MCM4: variants seen among roughly 807,000 people sequenced by gnomAD.
The protein encoded by MCM4 is minichromosome maintenance complex component 4.
A neutral mutation model predicts 88.7 loss-of-function variants in MCM4; 60 were observed. The observed-to-expected ratio is 0.68, with a 90% CI of 0.55 to 0.84. The LOEUF (loss-of-function observed/expected upper bound fraction) is 0.84. Ranked by LOEUF, MCM4 falls within the 40% of genes least tolerant of loss-of-function variation. The pLI is 0.00. For synonymous variants in MCM4, 465 were observed against 410.5 expected, an observed-to-expected ratio of 1.13 and a Z score of -1.61; for missense variants, 1,149 against 1,105.5, an observed-to-expected ratio of 1.04 and a Z score of -0.56.
rs2090860559 is a variant in MCM4, at chr8:47,962,974, T to A, written c.627T>A (p.Asn209Lys). The change falls in exon 7 of 17, where the codon AAT becomes AAA. Residue 209 changes from asparagine to lysine, a missense_variant. Physicochemically the swap from Asn to Lys is moderately conservative, Grantham distance 94. Transcript: ENST00000649973. ...EINVIGEPFL[N>K]VNCEHIKSFD... Reference sequence around the variant, plus strand: ...ATGTTATTGGTGAGCCATTTTTAAATGTGAACTGTGAACACATCAAATCAT... The same window carrying A: ...ATGTTATTGGTGAGCCATTTTTAAAAGTGAACTGTGAACACATCAAATCAT... The A allele has an allele frequency of 6.2e-7, 1 of 1,605,578 alleles. No individual in the cohort carries two copies. Among genetic ancestry groups the A allele is most frequent in the Non-Finnish European group, 8.5e-7 (1 of 1,176,800 alleles).
chr8:47,972,731 A>AT, intron 13 of MCM4, 126 bp from the exon 14 acceptor site: 1 of 663,504 alleles, frequency 1.5e-6, no homozygotes, highest in Non-Finnish European at 2.6e-6. Context: ...TAATTGTTGC[A>AT]TTTTTAGTAG....
At chr8:47,975,920 TC>T (rs754690031) in intron 16 of MCM4, 72 bp downstream of exon 16, 10 of 1,067,336 alleles carry the variant, frequency 9.4e-6, no homozygotes, top group Non-Finnish European at 1.1e-5. Context: ...TGGGTTTTTT[TC>T]CTTTATTTAT....
At chr8:47,967,525 G>C in intron 10 of MCM4, 40 bp downstream of exon 10, 2 of 1,612,602 alleles carry the variant, frequency 1.2e-6, no homozygotes, top group Non-Finnish European at 1.7e-6. Flanking sequence ...AGCATGTCTG[G>C]CTTGCTTTCA....
chr8:47,962,032 T>A, intron 3 of MCM4, 21 bp from the exon 4 acceptor site: 1 of 1,612,606 alleles, frequency 6.2e-7, no homozygotes, highest in Non-Finnish European at 8.5e-7. Flanking sequence ...CCACCAGAAT[T>A]TCCTAATTTT....
At chr8:47,967,280 T>G in intron 9 of MCM4, 85 bp from the exon 10 acceptor site, 1 of 1,491,508 alleles carries the variant, frequency 6.7e-7, no homozygotes, top group Non-Finnish European at 9.2e-7. Flanking sequence ...CAGCCTTATA[T>G]GGCAAAAGCA....
intron 5 of MCM4, 150 bp from the exon 6 acceptor site, chr8:47,962,614 T>C: frequency 1.5e-6 from 1 of 680,054 alleles, no homozygotes; most frequent in Non-Finnish European, 2.5e-6. Flanking sequence ...TGAGACTCCA[T>C]CTCCAAATTA....
chr8:47,963,241 T>C (rs2154505036), intron 7 of MCM4, among the ~76,000 whole-genome samples: 1 of 152,190 alleles, frequency 6.6e-6, no homozygotes, highest in East Asian at 1.9e-4. Flanking sequence ...TCACTTGAGG[T>C]CGGAAGTTTG....
rs189416690 is a variant in MCM4, at chr8:47,971,568, A to G, written c.1928+100A>G. The G allele has an allele frequency of 1.4e-4, 171 of 1,235,464 alleles. No individual in the cohort carries two copies. The African/African-American group carries it at 2.2e-3, about 16-fold the overall frequency. The allele number at this position is 1,235,464 out of a possible 1,614,324, so 76.5% of individuals were successfully genotyped here. A position where few individuals can be genotyped will look rare whatever the true frequency, so the allele number is the denominator to read the frequency against. On this transcript the variant is annotated intron_variant, in intron 13 of 16. Coordinates refer to ENST00000649973, the MANE Select transcript of MCM4 (RefSeq NM_182746.3). ...CAGCAACTGCTAATGGAAACTCTTCACTCTTATCAAGATGTTTCAAATTTG... is the reference window on the plus strand; with the variant it reads ...CAGCAACTGCTAATGGAAACTCTTCGCTCTTATCAAGATGTTTCAAATTTG...
chr8:47,962,190 C>T lies in MCM4; in HGVS notation c.373C>T (p.Leu125=). 6.2e-7 allele frequency: 1 copy of T among 1,614,182 alleles called. No individual in the cohort carries two copies. Among genetic ancestry groups the T allele is most frequent in the South Asian group, 1.1e-5 (1 of 91,086 alleles). ...TGACCTGGGCTCTGCACAGAAGGGC[C>T]TGCAAGTGGATCTGCAGTCTGACGG... is the stretch of plus-strand genomic sequence containing the variant. ...RPDLGSAQKG[L]QVDLQSDGAA... Residue 125 remains leucine, a synonymous_variant, in exon 4 of 17, where the codon CTG becomes TTG. Coordinates refer to ENST00000649973, the MANE Select transcript of MCM4 (RefSeq NM_182746.3).
At chr8:47,976,277 A>G (rs2090999644) in intron 16 of MCM4, among the ~76,000 whole-genome samples, 1 of 149,516 alleles carries the variant, frequency 6.7e-6, no homozygotes, top group Non-Finnish European at 1.5e-5. Context: ...TGGGCACCAG[A>G]GCGGAACTCC....
chr8:47,970,995 GC>G, intron 12 of MCM4, 119 bp downstream of exon 12: 2 of 1,205,228 alleles, frequency 1.7e-6, no homozygotes, highest in Non-Finnish European at 2.3e-6. Flanking sequence ...ATTGATAAGT[GC>G]TTTCCACATC....
intron 3 of MCM4, 180 bp downstream of exon 3, chr8:47,961,860 T>C: frequency 2.1e-6 from 2 of 949,856 alleles, no homozygotes; most frequent in South Asian, 1.7e-5. Context: ...TTTTAGGGCT[T>C]AGTGAGCAGA....
At chr8:47,971,554 A>G (rs2090953894) in intron 13 of MCM4, 86 bp downstream of exon 13, 2 of 1,373,150 alleles carry the variant, frequency 1.5e-6, no homozygotes, top group East Asian at 2.3e-5. Flanking sequence ...AGCAACTGCT[A>G]ATGGAAACTC....
rs1413953673 is a variant in MCM4 at position 47,976,874 on chromosome 8, G to C, written c.*96G>C. ...CAGTTGGCCGCCATCAGTGTAAATA[G>C]AGCTTAAAGTCATGGTTTGGCTGCA... On this transcript the variant is annotated 3_prime_UTR_variant, in exon 17 of 17. Coordinates refer to ENST00000649973, the MANE Select transcript of MCM4 (RefSeq NM_182746.3). The C allele has an allele frequency of 2.7e-6, 2 of 751,472 alleles. No individual in the cohort carries two copies. 46.6% of individuals were successfully genotyped at this position (751,472 alleles called of 1,614,324 possible).
chr8:47,975,658 T>C, intron 15 of MCM4, 57 bp from the exon 16 acceptor site: 1 of 1,360,248 alleles, frequency 7.4e-7, no homozygotes, highest in Non-Finnish European at 9.9e-7. Flanking sequence ...TTTGAGAATT[T>C]GAAGCATTTC....
chr8:47,970,569 G>T lies in MCM4; in HGVS notation c.1493G>T (p.Gly498Val), dbSNP rs1332425895. ...AAGGATTTTAGTCACACTGGAAGGG[G>T]CAAATTTCGGGCTGAGATCAACATC... ...TRKDFSHTGRGKFRAEINILL... is the reference protein window; with the variant it reads ...TRKDFSHTGRVKFRAEINILL... The change falls in exon 12 of 17, where the codon GGC becomes GTC. Residue 498 changes from glycine to valine, a missense_variant. Coordinates refer to ENST00000649973, the MANE Select transcript of MCM4 (RefSeq NM_182746.3). 6.2e-7 allele frequency: 1 copy of T among 1,613,852 alleles called. No individual in the cohort carries two copies. Among genetic ancestry groups the T allele is most frequent in the Non-Finnish European group, 8.5e-7 (1 of 1,179,776 alleles).
intron 9 of MCM4, 109 bp from the exon 10 acceptor site, chr8:47,967,256 G>A (rs899011781): frequency 5.4e-6 from 6 of 1,111,274 alleles, no homozygotes; most frequent in Non-Finnish European, 7.6e-6. Context: ...TCATTTATGT[G>A]GGGATATGCA....
At chr8:47,976,615 T>G (rs2091002948) in intron 16 of MCM4, 71 bp from the exon 17 acceptor site, 1 of 1,089,524 alleles carries the variant, frequency 9.2e-7, no homozygotes, top group African/African-American at 1.5e-5. Context: ...AACATTATAA[T>G]TATTGTGTTT....
rs2091014181 is a variant in MCM4, at chr8:47,977,810, T to A, written c.*1032T>A. The stretch of plus-strand genomic sequence containing the variant: ...GGTATGATTCTTTCTAGAGATTTTT[T>A]CTCATGGCTACTATTAGATCAGGAA... On this transcript the variant is annotated 3_prime_UTR_variant, in exon 17 of 17. Coordinates refer to ENST00000649973, the MANE Select transcript of MCM4 (RefSeq NM_182746.3). 6.6e-6 allele frequency: 1 copy of A among 152,148 alleles called. No homozygotes were observed. Among genetic ancestry groups the A allele is most frequent in the Admixed American group, 6.6e-5 (1 of 15,260 alleles). 9.4% of individuals were successfully genotyped at this position (152,148 alleles called of 1,614,324 possible).
Sources: gnomAD v4.1 joint callset for allele counts (sites outside exome capture counted in the v4.1 genomes callset) on GRCh38, gnomAD v4.1.1 for gene constraint, MANE v1.5 for transcripts, NCBI Gene and HGNC (gene_info 2026-07-23, HGNC 2026-07-21) for gene names.